CATSPERE: variants seen among roughly 807,000 people sequenced by gnomAD.
The protein encoded by CATSPERE is cation channel sperm-associated auxiliary subunit epsilon.
CATSPERE carries 93 observed loss-of-function variants against 114.1 expected under a neutral mutation model. The observed-to-expected ratio is 0.81, with a 90% CI of 0.69 to 0.97. The LOEUF is 0.97. Among genes scored for constraint, CATSPERE ranks in the 50% least tolerant of loss-of-function variants. The pLI is 0.00. For synonymous variants in CATSPERE, 341 were observed against 384.1 expected, an observed-to-expected ratio of 0.89 and a Z score of 1.31; for missense variants, 1,058 against 1,131.6, an observed-to-expected ratio of 0.93 and a Z score of 0.93.
At chr1:244,453,071 A>AT (rs780479358), upstream of CATSPERE, among the ~76,000 whole-genome samples, 1 of 152,148 alleles carries the variant, frequency 6.6e-6, no homozygotes, top group African/African-American at 2.4e-5. Flanking sequence ...AGAACCTGCT[A>AT]TTAACTAACT....
At chr1:244,605,907 G>A in intron 18 of CATSPERE, 113 bp downstream of exon 18, 2 of 601,384 alleles carry the variant, frequency 3.3e-6, no homozygotes, top group South Asian at 6.4e-5. Context: ...GCAGTGGGTA[G>A]GAAAAAAATC....
chr1:244,529,332 T>C (rs1337133808), intron 8 of CATSPERE, among the ~76,000 whole-genome samples: 5 of 152,194 alleles, frequency 3.3e-5, no homozygotes, highest in Non-Finnish European at 7.4e-5. Context: ...CATTTGTTAT[T>C]GCCTGTCTTT....
At chr1:244,460,278 G>A (rs1465406518), upstream of CATSPERE, among the ~76,000 whole-genome samples, 1 of 152,202 alleles carries the variant, frequency 6.6e-6, no homozygotes, top group Non-Finnish European at 1.5e-5. Context: ...TGCAGCTGGA[G>A]GATACAAGAT....
At chr1:244,493,786 T>C (rs61844028) in intron 6 of CATSPERE, among the ~76,000 whole-genome samples, 19,148 of 151,898 alleles carry the variant, frequency 0.13, 1,330 homozygotes, top group South Asian at 0.16. Context: ...AAAAAGTGGG[T>C]GAAGGATATG....
At chr1:244,465,216 A>G (rs1247403750) in intron 2 of CATSPERE, among the ~76,000 whole-genome samples, 1 of 152,004 alleles carries the variant, frequency 6.6e-6, no homozygotes, top group Non-Finnish European at 1.5e-5. Flanking sequence ...TTGTACTTGT[A>G]GTAGAGATGG....
intron 8 of CATSPERE, among the ~76,000 whole-genome samples, chr1:244,549,706 A>G (rs571080964): frequency 6.6e-6 from 1 of 152,120 alleles, no homozygotes; most frequent in East Asian, 1.9e-4. Flanking sequence ...TTATTTGGAG[A>G]TACTTTGAGA....
At chr1:244,555,483 A>G (rs1432269212) in intron 9 of CATSPERE, among the ~76,000 whole-genome samples, 2 of 152,200 alleles carry the variant, frequency 1.3e-5, no homozygotes, top group African/African-American at 2.4e-5. Context: ...TACTGAGTAT[A>G]TAAGTTTAAA....
At chr1:244,517,583 C>T (rs933046012) in intron 7 of CATSPERE, among the ~76,000 whole-genome samples, 36 of 151,804 alleles carry the variant, frequency 2.4e-4, no homozygotes, top group African/African-American at 8.5e-4. Flanking sequence ...ACCAGCCTCA[C>T]CAATATGGTG....
At chr1:244,522,911 G>A (rs1027859086) in intron 8 of CATSPERE, among the ~76,000 whole-genome samples, 2 of 152,132 alleles carry the variant, frequency 1.3e-5, no homozygotes, top group Non-Finnish European at 2.9e-5. Context: ...GAGGTACAAG[G>A]AGGAACTGGT....
chr1:244,590,501 C>T (rs959060151), intron 14 of CATSPERE, among the ~76,000 whole-genome samples: 7 of 152,168 alleles, frequency 4.6e-5, no homozygotes, highest in Non-Finnish European at 8.8e-5. Flanking sequence ...AGTACCTTCA[C>T]GATGTTGTAC....
Position 244,633,978 on chromosome 1 carries a change from C to T in CATSPERE, c.2649-1511C>T, listed in dbSNP as rs574786945. ...CTCCCGGTTCAAGCAATTCTCCTGC[C>T]TCAACCTCCCAAGTAGCTGGGATTA... On this transcript the variant is annotated intron_variant, in intron 20 of 21. Transcript: ENST00000366534. This position sits in a 1 kb window ranked among gnomAD's most constrained non-coding sequence, Gnocchi z 4.1. Among the ~76,000 whole-genome samples, 3 of 152,044 alleles carry T rather than the reference C, an allele frequency of 2.0e-5. No homozygotes were observed. Among genetic ancestry groups the T allele is most frequent in the East Asian group, 3.9e-4 (2 of 5,166 alleles).
rs528504813 is a variant in CATSPERE, at chr1:244,572,835, T to C, written c.1950+63T>C. On this transcript the variant is annotated intron_variant, in intron 11 of 21. Coordinates refer to ENST00000366534, the MANE Select transcript of CATSPERE (RefSeq NM_001130957.2). ...TAAGTATAAAAGTATAATATTAACA[T>C]TTTTGTAAATGGATTTCCCTTCTAG... 1.6e-4 allele frequency: 171 copies of C among 1,083,392 alleles called. 1 individual carries two copies. In the South Asian group the frequency reaches 2.0e-3, roughly 12 times the overall value. 67.1% of individuals were successfully genotyped at this position (1,083,392 alleles called of 1,614,324 possible).
intron 11 of CATSPERE, among the ~76,000 whole-genome samples, chr1:244,578,987 C>T (rs1002148339): frequency 1.3e-5 from 2 of 151,580 alleles, no homozygotes; most frequent in African/African-American, 2.4e-5. Flanking sequence ...GCACCTTCCA[C>T]AGCATCACTA....
Position 244,575,154 on chromosome 1 carries a change from T to C in CATSPERE, c.1950+2382T>C, listed in dbSNP as rs1665047059. 1.3e-5 allele frequency among the ~76,000 whole-genome samples: 2 copies of C among 152,246 alleles called. No homozygotes were observed. The highest frequency in any genetic ancestry group is 6.5e-5 in the Admixed American group (1 of 15,288). ...GCCATCTGTCTCTCCTGTTTCTTTC[T>C]GATTTTCCTTTTTACTTTCTCCCTT... On this transcript the variant is annotated intron_variant, in intron 11 of 21. Transcript: ENST00000366534. This position sits in a 1 kb window ranked among gnomAD's most constrained non-coding sequence, Gnocchi z 4.5.
chr1:244,546,184 A>C (rs3003234), intron 8 of CATSPERE, among the ~76,000 whole-genome samples: 132,251 of 152,086 alleles, frequency 0.87, 58,483 homozygotes, highest in East Asian at 1. Flanking sequence ...CCATCACTAC[A>C]CCATCTTCAG....
intron 8 of CATSPERE, among the ~76,000 whole-genome samples, chr1:244,549,184 C>A (rs902244730): frequency 1.3e-5 from 2 of 152,138 alleles, no homozygotes; most frequent in East Asian, 1.9e-4. Flanking sequence ...GAACCCATTC[C>A]AGCCAAAACT....
chr1:244,550,584 G>A (rs1468972838), intron 8 of CATSPERE, among the ~76,000 whole-genome samples: 1 of 152,208 alleles, frequency 6.6e-6, no homozygotes, highest in African/African-American at 2.4e-5. Context: ...AGTGGACAAT[G>A]TAGCAAAATG....
chr1:244,610,878 A>T (rs1670633642), intron 19 of CATSPERE, among the ~76,000 whole-genome samples: 1 of 151,508 alleles, frequency 6.6e-6, no homozygotes, highest in Non-Finnish European at 1.5e-5. Context: ...CTCCTGCCTC[A>T]GCCTCCTGAG....
At chr1:244,571,037 A>G (rs1664366237) in intron 10 of CATSPERE, among the ~76,000 whole-genome samples, 1 of 152,210 alleles carries the variant, frequency 6.6e-6, no homozygotes, top group Admixed American at 6.5e-5. Context: ...TAATCCAAAA[A>G]CAATGTATTG....
Sources: gnomAD v4.1 joint callset for allele counts (sites outside exome capture counted in the v4.1 genomes callset) on GRCh38, gnomAD v4.1.1 for gene constraint, Gnocchi (gnomAD v3.1) non-coding constraint, MANE v1.5 for transcripts, NCBI Gene and HGNC (gene_info 2026-07-23, HGNC 2026-07-21) for gene names.